The following TCERG1L variants were observed in gnomAD, a reference collection of about 807,000 sequenced individuals.
TCERG1L encodes transcription elongation regulator 1-like protein.
In TCERG1L, 37 loss-of-function variants were observed where a neutral mutation model predicts 56.3. The ratio of observed to expected loss-of-function variants is 0.66; its 90% CI spans 0.51 to 0.87. The LOEUF (loss-of-function observed/expected upper bound fraction) is 0.87, where lower values mean the gene tolerates loss of function less well. TCERG1L is among the 40% of genes least tolerant of loss of function. TCERG1L has a pLI of 0.00. For missense variants in TCERG1L, 799 were observed against 774.2 expected (o/e 1.03, Z -0.38); for synonymous variants, 324 against 326.3 (o/e 0.99, Z 0.08).
chr10:131,190,558 A>C (rs2133461959), intron 4 of TCERG1L, among the ~76,000 whole-genome samples: 1 of 144,416 alleles, frequency 6.9e-6, no homozygotes, highest in East Asian at 1.9e-4. Flanking sequence ...GCACATCAAA[A>C]ATATAATTCC....
At chr10:131,194,188 T>C (rs1845333198) in intron 4 of TCERG1L, among the ~76,000 whole-genome samples, 1 of 152,250 alleles carries the variant, frequency 6.6e-6, no homozygotes, top group African/African-American at 2.4e-5. Context: ...GTTGCTCCAT[T>C]CAACAAACAT....
At chr10:131,226,946 G>A (rs558084721) in intron 4 of TCERG1L, among the ~76,000 whole-genome samples, 6 of 152,392 alleles carry the variant, frequency 3.9e-5, no homozygotes, top group African/African-American at 1.2e-4. Context: ...TGGAGTCGCT[G>A]TCAGCTCCCG....
chr10:131,247,909 C>T (rs61861231), intron 4 of TCERG1L, among the ~76,000 whole-genome samples: 10 of 76,648 alleles, frequency 1.3e-4, no homozygotes, highest in Non-Finnish European at 2.1e-4. Context: ...CACACACGCA[C>T]ACACACGCAT....
chr10:131,250,406 A>G (rs1846095958), intron 4 of TCERG1L, among the ~76,000 whole-genome samples: 1 of 152,178 alleles, frequency 6.6e-6, no homozygotes, highest in South Asian at 2.1e-4. Flanking sequence ...TCCTTTTCTT[A>G]TTTATGCTTC....
At chr10:131,252,110 TA>T (rs1385762168) in intron 4 of TCERG1L, among the ~76,000 whole-genome samples, 2 of 152,358 alleles carry the variant, frequency 1.3e-5, no homozygotes, top group African/African-American at 4.8e-5. Context: ...TAAGGCTGAA[TA>T]ATATTTCACT....
At chr10:131,108,777 C>A (rs938464974) in intron 9 of TCERG1L, among the ~76,000 whole-genome samples, 6 of 152,172 alleles carry the variant, frequency 3.9e-5, no homozygotes, top group African/African-American at 7.2e-5. Context: ...GCGTCTGGTG[C>A]TTGGGGTCCT....
intron 4 of TCERG1L, among the ~76,000 whole-genome samples, chr10:131,228,973 CG>C (rs1845822383): frequency 1.6e-5 from 1 of 62,304 alleles, no homozygotes; most frequent in Non-Finnish European, 3.1e-5. Flanking sequence ...TCAAGGCCTC[CG>C]GAGTCTTCCC....
chr10:131,094,450 G>T (rs906026464), intron 11 of TCERG1L, among the ~76,000 whole-genome samples: 1 of 152,182 alleles, frequency 6.6e-6, no homozygotes, highest in Admixed American at 6.5e-5. Flanking sequence ...CAAACAACAA[G>T]ATTATGCCGA....
intron 3 of TCERG1L, among the ~76,000 whole-genome samples, chr10:131,286,560 T>A (rs985782899): frequency 2.0e-5 from 3 of 152,108 alleles, no homozygotes; most frequent in Non-Finnish European, 2.9e-5. Flanking sequence ...CAAATATGAA[T>A]TATTCTTATA....
intron 4 of TCERG1L, among the ~76,000 whole-genome samples, chr10:131,250,857 GT>G (rs1490486839): frequency 2.6e-5 from 4 of 152,152 alleles, no homozygotes; most frequent in Non-Finnish European, 4.4e-5. Context: ...CCTTAGCTGG[GT>G]GGTCTCCCAA....
chr10:131,112,900 G>A (rs1421022251), intron 9 of TCERG1L, among the ~76,000 whole-genome samples: 6 of 142,438 alleles, frequency 4.2e-5, no homozygotes, highest in African/African-American at 7.4e-5. Flanking sequence ...GTCCCTCCTC[G>A]GTTGAGGGTC....
chr10:131,163,013 A>G (rs1377873810), intron 6 of TCERG1L, 109 bp downstream of exon 6: 1 of 824,400 alleles, frequency 1.2e-6, no homozygotes. Flanking sequence ...CATTGTTTTT[A>G]AGACACAGGA....
chr10:131,134,240 T>C lies in TCERG1L; in HGVS notation c.1259+139A>G, dbSNP rs1845650623. 5.0e-6 allele frequency: 4 copies of C among 795,970 alleles called. No individual in the cohort carries two copies. The Admixed American group carries it at 7.2e-5, about 14-fold the overall frequency. 49.3% of individuals were successfully genotyped at this position (795,970 alleles called of 1,614,324 possible). On this transcript the variant is annotated intron_variant, in intron 8 of 11. Coordinates refer to ENST00000368642, the MANE Select transcript of TCERG1L (RefSeq NM_174937.4). ...CCCAGGACACTGCTAAGACAGAACC[T>C]GAAACCTCTTACCATCTGTCTAGCG...
intron 7 of TCERG1L, among the ~76,000 whole-genome samples, chr10:131,141,212 T>A (rs1488613316): frequency 1.3e-5 from 2 of 152,174 alleles, no homozygotes; most frequent in African/African-American, 4.8e-5. Context: ...ACGGGTGCTG[T>A]GATCTCTGCA....
At chr10:131,132,895 T>C (rs1845633603) in intron 8 of TCERG1L, among the ~76,000 whole-genome samples, 1 of 152,186 alleles carries the variant, frequency 6.6e-6, no homozygotes, top group Non-Finnish European at 1.5e-5. Flanking sequence ...CGTGCGGCCC[T>C]AGACCTCCCC....
intron 4 of TCERG1L, among the ~76,000 whole-genome samples, chr10:131,240,652 C>G (rs73398423): frequency 0.039 from 5,992 of 152,232 alleles, 314 homozygotes; most frequent in East Asian, 0.23. Context: ...GTGAGCCACG[C>G]GTTTTCTAAA....
In TCERG1L at chr10:131,116,298, T is replaced by C. The variant is rs116685852; in HGVS notation, c.1395+501A>G. Reference sequence around the variant, plus strand: ...TCTGAAGGGAGGGAGTACCACTAGGTAGGATGGATAGATAACCCCATGGGG... The same window carrying C: ...TCTGAAGGGAGGGAGTACCACTAGGCAGGATGGATAGATAACCCCATGGGG... On this transcript the variant is annotated intron_variant, in intron 9 of 11. Coordinates refer to ENST00000368642, the MANE Select transcript of TCERG1L (RefSeq NM_174937.4). Among the ~76,000 whole-genome samples the C allele has an allele frequency of 1.7e-3, 257 of 152,212 alleles. 1 individual carries two copies. The highest frequency in any genetic ancestry group is 5.7e-3 in the African/African-American group (238 of 41,540).
chr10:131,305,016 TTTGGACA>T (rs1846805483), intron 3 of TCERG1L, among the ~76,000 whole-genome samples: 1 of 152,130 alleles, frequency 6.6e-6, no homozygotes, highest in Admixed American at 6.5e-5. Context: ...ATTTTGTGTC[TTTGGACA>T]TTCTATGTCC....
intron 3 of TCERG1L, among the ~76,000 whole-genome samples, chr10:131,262,694 C>T (rs1455365916): frequency 6.6e-6 from 1 of 152,108 alleles, no homozygotes; most frequent in Non-Finnish European, 1.5e-5. Flanking sequence ...ACCCTTTGTG[C>T]TGTGCATCCT....
Sources: gnomAD v4.1 joint callset for allele counts (sites outside exome capture counted in the v4.1 genomes callset) on GRCh38, gnomAD v4.1.1 for gene constraint, MANE v1.5 for transcripts, NCBI Gene and HGNC (gene_info 2026-07-23, HGNC 2026-07-21) for gene names.